Variants in RALY observed in about 807,000 individuals in gnomAD.
RALY encodes the protein RALY heterogeneous nuclear ribonucleoprotein, also known as RNA-binding protein Raly.
Under a neutral mutation model 30.7 loss-of-function variants are expected in RALY, and 15 were observed. That is an observed-to-expected ratio of 0.49 (90% confidence interval 0.33 to 0.75). RALY has a LOEUF of 0.75. RALY is among the 30% of genes least tolerant of loss of function. The probability of loss-of-function intolerance (pLI) is 0.02; values close to 1 mark genes in which losing one functional copy is unlikely to be tolerated. For missense variants in RALY, 339 were observed against 414.3 expected (o/e 0.82, Z 1.58); for synonymous variants, 177 against 170.8 (o/e 1.04, Z -0.28).
intron 1 of RALY, among the ~76,000 whole-genome samples, chr20:34,026,920 T>A (rs2123077335): frequency 6.6e-6 from 1 of 152,326 alleles, no homozygotes; most frequent in South Asian, 2.1e-4. Context: ...GAATAAGAGT[T>A]GCCGGGCAGG....
chr20:34,049,709 A>G (rs758093779), intron 2 of RALY, among the ~76,000 whole-genome samples: 6 of 152,240 alleles, frequency 3.9e-5, no homozygotes, highest in Non-Finnish European at 7.3e-5. Flanking sequence ...CTTAACTGCA[A>G]TCTTATGACT....
At chr20:34,027,404 G>T (rs1007744350) in intron 1 of RALY, among the ~76,000 whole-genome samples, 1 of 152,190 alleles carries the variant, frequency 6.6e-6, no homozygotes, top group Non-Finnish European at 1.5e-5. Flanking sequence ...ACACCCAGCC[G>T]TGTGCCTGAG....
intron 1 of RALY, among the ~76,000 whole-genome samples, chr20:34,025,745 G>A (rs545734445): frequency 1.3e-4 from 19 of 150,996 alleles, no homozygotes; most frequent in Non-Finnish European, 2.1e-4. Context: ...TGTTAAAATC[G>A]TCTTCGGTCC....
At chr20:34,026,652 C>T (rs767182413) in intron 1 of RALY, among the ~76,000 whole-genome samples, 35 of 151,794 alleles carry the variant, frequency 2.3e-4, no homozygotes, top group Non-Finnish European at 4.7e-4. Flanking sequence ...TCTCGTGATC[C>T]GCCCGCCTTG....
intron 1 of RALY, among the ~76,000 whole-genome samples, chr20:34,016,207 A>G (rs2031602767): frequency 6.6e-6 from 1 of 152,220 alleles, no homozygotes. Flanking sequence ...AGGTTTCTGT[A>G]TCTTCATAAC....
intron 8 of RALY, among the ~76,000 whole-genome samples, chr20:34,077,999 C>A (rs879834443): frequency 6.6e-6 from 1 of 152,228 alleles, no homozygotes; most frequent in Admixed American, 6.5e-5. Flanking sequence ...GACTGACTTG[C>A]TGGATCTGCA....
At chr20:34,024,812 C>T (rs980039373) in intron 1 of RALY, among the ~76,000 whole-genome samples, 1 of 152,132 alleles carries the variant, frequency 6.6e-6, no homozygotes, top group African/African-American at 2.4e-5. Flanking sequence ...TTTATTATGC[C>T]TGGGCATAGG....
rs1290270957 is a variant in RALY, at chr20:34,073,481, T to C, written c.257-82T>C. The C allele has an allele frequency of 2.3e-6, 3 of 1,290,982 alleles. No individual in the cohort carries two copies. In the African/African-American group the frequency reaches 4.4e-5, roughly 19 times the overall value. 80.0% of individuals were successfully genotyped at this position (1,290,982 alleles called of 1,614,324 possible). A position where few individuals can be genotyped will look rare whatever the true frequency, so the allele number is the denominator to read the frequency against. On this transcript the variant is annotated intron_variant, in intron 3 of 9. Coordinates refer to ENST00000246194, the MANE Select transcript of RALY (RefSeq NM_016732.3). ...TGTGTATACCGTGTAAGCACATGAA[T>C]TGCTGTGCGTGTGCATGAGGTTGAT...
intron 9 of RALY, 38 bp downstream of exon 9, chr20:34,078,591 A>G: frequency 6.6e-7 from 1 of 1,504,622 alleles, no homozygotes; most frequent in Non-Finnish European, 8.9e-7. Context: ...AGGGTGGGGA[A>G]TCAGTGAAGT....
chr20:34,009,652 C>T (rs1026591328), intron 1 of RALY, among the ~76,000 whole-genome samples: 5 of 152,152 alleles, frequency 3.3e-5, no homozygotes, highest in Non-Finnish European at 5.9e-5. Context: ...TTTGGAGCTT[C>T]GGCCAAATTT....
chr20:34,046,419 T>C (rs2032880739), intron 2 of RALY, among the ~76,000 whole-genome samples: 1 of 152,176 alleles, frequency 6.6e-6, no homozygotes, highest in South Asian at 2.1e-4. Context: ...CATGGGGTCA[T>C]TGGAAGGATT....
intron 1 of RALY, among the ~76,000 whole-genome samples, chr20:33,995,299 G>T (rs1448717967): frequency 6.6e-6 from 1 of 152,176 alleles, no homozygotes; most frequent in Non-Finnish European, 1.5e-5. Flanking sequence ...TTGGCTCAAG[G>T]AAGCTTTGAG....
In RALY at chr20:34,075,880, C is replaced by G; in HGVS notation, c.384C>G (p.Phe128Leu). 1.2e-6 allele frequency: 2 copies of G among 1,612,472 alleles called. No homozygotes were observed. Among genetic ancestry groups the G allele is most frequent in the Non-Finnish European group, 1.7e-6 (2 of 1,178,930 alleles). Reference sequence around the variant, plus strand: ...GGCCCATCTGCCCTCACAGGCTCTTCGACTACCGGGGCCGTCTGTCGCCCG... The same window carrying G: ...GGCCCATCTGCCCTCACAGGCTCTTGGACTACCGGGGCCGTCTGTCGCCCG... ...YYRDDFYDRL[F>L]DYRGRLSPVP... Residue 128 changes from phenylalanine (F) to leucine (L), a missense_variant, in exon 6 of 10, where the codon TTC becomes TTG. By Grantham distance (22) the Phe-to-Leu change is conservative (BLOSUM62 0). Transcript: ENST00000246194.
rs148065141 is a variant in RALY at position 34,015,845 on chromosome 20, G to GCA, written c.-92-15658_-92-15657dup. 5.4e-3 allele frequency among the ~76,000 whole-genome samples: 805 copies of GCA among 149,114 alleles called. 1 individual carries two copies. The highest frequency in any genetic ancestry group is 0.013 in the African/African-American group (525 of 40,706). On this transcript the variant is annotated intron_variant, in intron 1 of 9. Transcript: ENST00000246194. ...ACAGGCTCAATGCTTTGCAACATGT[G>GCA]CACACACACACACACACACAATTGA...
At chr20:34,066,155 T>C (rs891962150) in intron 2 of RALY, among the ~76,000 whole-genome samples, 2 of 150,988 alleles carry the variant, frequency 1.3e-5, no homozygotes, top group East Asian at 1.9e-4. Context: ...AAGTCACTTA[T>C]CTTTGCTGAT....
chr20:34,030,209 T>C (rs1028443266), intron 1 of RALY, among the ~76,000 whole-genome samples: 1 of 152,196 alleles, frequency 6.6e-6, no homozygotes, highest in Non-Finnish European at 1.5e-5. Flanking sequence ...AGCCCTGGAG[T>C]TGGACTTCTG....
chr20:34,022,446 C>T (rs1045032296), intron 1 of RALY, among the ~76,000 whole-genome samples: 1 of 152,054 alleles, frequency 6.6e-6, no homozygotes, highest in African/African-American at 2.4e-5. Context: ...TATACCTTTC[C>T]CCTCCATAAC....
chr20:33,994,846 T>C (rs2030526316), intron 1 of RALY, among the ~76,000 whole-genome samples: 1 of 152,208 alleles, frequency 6.6e-6, no homozygotes, highest in Admixed American at 6.5e-5. Context: ...GAACATTTAA[T>C]GAGACTTCAC....
chr20:34,012,475 G>T (rs1359013324), intron 1 of RALY, among the ~76,000 whole-genome samples: 1 of 116,362 alleles, frequency 8.6e-6, no homozygotes, highest in African/African-American at 2.8e-5. Context: ...CCTTTCCTCC[G>T]CCTCCTTTCT....
Sources: allele counts gnomAD v4.1 joint callset (sites outside exome capture counted in the v4.1 genomes callset), GRCh38; gene constraint gnomAD v4.1.1; transcripts MANE v1.5; gene names NCBI Gene and HGNC (gene_info 2026-07-23, HGNC 2026-07-21).